Variants in ACAD9 observed in about 807,000 individuals in gnomAD.
ACAD9 encodes complex I assembly factor ACAD9, mitochondrial.
A neutral mutation model predicts 70.2 loss-of-function variants in ACAD9; 53 were observed. The observed-to-expected ratio is 0.75, with a 90% confidence interval of 0.61 to 0.95. The LOEUF (loss-of-function observed/expected upper bound fraction) is 0.95, where lower values mean the gene tolerates loss of function less well. Among genes scored for constraint, ACAD9 ranks in the 40% least tolerant of loss-of-function variants. The probability of loss-of-function intolerance (pLI) is 0.00; values close to 1 mark genes in which losing one functional copy is unlikely to be tolerated. For missense variants in ACAD9, 777 were observed against 802.8 expected (o/e 0.97, Z 0.39); for synonymous variants, 313 against 312.1 (o/e 1.00, Z -0.03).
intron 2 of ACAD9, among the ~76,000 whole-genome samples, chr3:128,889,437 C>T (rs895693081): frequency 1.3e-5 from 2 of 152,146 alleles, no homozygotes; most frequent in Middle Eastern, 3.2e-3. Context: ...AATCACCTGA[C>T]GCATGACTGT....
intron 4 of ACAD9, 108 bp downstream of exon 4, chr3:128,895,524 C>A: frequency 2.0e-5 from 20 of 1,006,064 alleles, no homozygotes; most frequent in Non-Finnish European, 2.9e-5. Context: ...TGATATCTGA[C>A]CTTCAGCCCT....
At chr3:128,886,860 C>T (rs771286376) in intron 2 of ACAD9, among the ~76,000 whole-genome samples, 4 of 150,022 alleles carry the variant, frequency 2.7e-5, no homozygotes, top group Non-Finnish European at 5.9e-5. Flanking sequence ...CACGTAACCT[C>T]TGGAAAAGTC....
At chr3:128,888,591 A>G (rs1935321083) in intron 2 of ACAD9, among the ~76,000 whole-genome samples, 1 of 152,044 alleles carries the variant, frequency 6.6e-6, no homozygotes, top group Non-Finnish European at 1.5e-5. Context: ...AAAAAAATAA[A>G]AACTAGTTTT....
chr3:128,893,816 G>T (rs1680780), intron 3 of ACAD9, among the ~76,000 whole-genome samples, 160 bp downstream of exon 3: 1 of 151,970 alleles, frequency 6.6e-6, no homozygotes, highest in Non-Finnish European at 1.5e-5. Context: ...AAGTGTTCTC[G>T]GGTCCTGTGC....
In ACAD9 at chr3:128,895,373, CCATCACTGTGA is replaced by C; in HGVS notation, c.412_422del (p.Ile138ProfsTer18). ...GGGGAGATCATCAGCATGGATGGGT[CCATCACTGTGA>C]CCCTGGCAGCGCACCAGGCTATTGG... On this transcript the variant is annotated frameshift_variant, in exon 4 of 18. Transcript: ENST00000308982. LOFTEE classifies it high-confidence loss of function. 6.2e-7 allele frequency: 1 copy of C among 1,612,744 alleles called. No homozygotes were observed. Among genetic ancestry groups the C allele is most frequent in the South Asian group, 1.1e-5 (1 of 90,664 alleles).
At chr3:128,903,791 C>T (rs1450310036) in intron 9 of ACAD9, among the ~76,000 whole-genome samples, 2 of 152,162 alleles carry the variant, frequency 1.3e-5, no homozygotes, top group African/African-American at 4.8e-5. Flanking sequence ...GTGTCGCACT[C>T]GGCCTGAGGC....
intron 2 of ACAD9, among the ~76,000 whole-genome samples, chr3:128,886,042 T>C (rs1329130179): frequency 6.7e-6 from 1 of 150,062 alleles, no homozygotes; most frequent in Non-Finnish European, 1.5e-5. Flanking sequence ...ATATACTGTG[T>C]TCATTTGTTT....
intron 4 of ACAD9, among the ~76,000 whole-genome samples, chr3:128,895,926 C>T (rs980392919): frequency 3.9e-5 from 6 of 152,354 alleles, no homozygotes; most frequent in African/African-American, 1.2e-4. Flanking sequence ...CCCCAGAGAG[C>T]GCACACATTC....
chr3:128,899,391 A>G lies in ACAD9; in HGVS notation c.738A>G (p.Ile246Met). The part of the protein sequence containing the change: ...GSVKDKITAF[I>M]VERDFGGVTN... ...TGAAAGACAAAATCACAGCATTCAT[A>G]GTAGAAAGAGACTTTGGTGGAGTCA... Residue 246 changes from isoleucine (I) to methionine (M), a missense_variant, in exon 7 of 18, where the codon ATA becomes ATG. By Grantham distance (10) the Ile-to-Met change is conservative (BLOSUM62 1). Transcript: ENST00000308982. The G allele has an allele frequency of 6.2e-7, 1 of 1,614,276 alleles. No homozygotes were observed. The highest frequency in any genetic ancestry group is 8.5e-7 in the Non-Finnish European group (1 of 1,180,050).
Position 128,912,404 on chromosome 3 carries a change from A to T in ACAD9, c.1766-103A>T, listed in dbSNP as rs936749635. The T allele has an allele frequency of 9.0e-6, 9 of 995,982 alleles. No homozygotes were observed. In the South Asian group the frequency reaches 1.2e-4, roughly 13 times the overall value. 61.7% of individuals were successfully genotyped at this position (995,982 alleles called of 1,614,324 possible). A position where few individuals can be genotyped will look rare whatever the true frequency, so the allele number is the denominator to read the frequency against. ...AGGGGTTCACCCTTAGGGCTGCTTC[A>T]TGGTGGGTGGGCTGACTTTGTGGAA... On this transcript the variant is annotated intron_variant, in intron 17 of 17. Coordinates refer to ENST00000308982, the MANE Select transcript of ACAD9 (RefSeq NM_014049.5).
At chr3:128,912,101 C>CT (rs1936388534) in intron 17 of ACAD9, among the ~76,000 whole-genome samples, 1 of 152,210 alleles carries the variant, frequency 6.6e-6, no homozygotes, top group South Asian at 2.1e-4. Context: ...CACTGTGGCA[C>CT]TTGCTGAGAG....
intron 2 of ACAD9, among the ~76,000 whole-genome samples, chr3:128,891,056 C>T (rs1211932205): frequency 3.3e-5 from 5 of 152,008 alleles, no homozygotes; most frequent in African/African-American, 1.2e-4. Flanking sequence ...ATTGGCCAGG[C>T]TGGTCTCGAA....
intron 1 of ACAD9, among the ~76,000 whole-genome samples, chr3:128,883,113 G>A (rs1935141595): frequency 6.8e-6 from 1 of 146,338 alleles, no homozygotes; most frequent in Admixed American, 6.9e-5. Flanking sequence ...CCTTGAGACA[G>A]TGTCTTACTC....
At chr3:128,883,621 G>T (rs569826367) in intron 1 of ACAD9, among the ~76,000 whole-genome samples, 3 of 152,050 alleles carry the variant, frequency 2.0e-5, no homozygotes, top group African/African-American at 7.2e-5. Context: ...CTCCCAAAGT[G>T]CTGGGATTAC....
At position 128,888,106 on chromosome 3, in the gene ACAD9, ACCTAAGACTTTTTTCTGAAT is replaced by A. The variant is rs369059222; in HGVS notation, c.244+3364_244+3383del. Among the ~76,000 whole-genome samples, 714 of 152,314 alleles carry A rather than the reference ACCTAAGACTTTTTTCTGAAT, an allele frequency of 4.7e-3. 3 individuals carry two copies. Among genetic ancestry groups the A allele is most frequent in the African/African-American group, 0.016 (670 of 41,568 alleles). The stretch of plus-strand genomic sequence containing the variant: ...ACTGCTTTGAGTGACTTATATGCAA[ACCTAAGACTTTTTTCTGAAT>A]CCTTGATCAAGATTTATTCATATAA... On this transcript the variant is annotated intron_variant, in intron 2 of 17. Transcript: ENST00000308982.
intron 3 of ACAD9, 61 bp from the exon 4 acceptor site, chr3:128,895,249 G>T: frequency 1.5e-6 from 2 of 1,306,180 alleles, no homozygotes; most frequent in Non-Finnish European, 2.2e-6. Flanking sequence ...AAAAGCCAAT[G>T]AAGCCTTAAT....
intron 2 of ACAD9, among the ~76,000 whole-genome samples, chr3:128,885,313 ATAG>A (rs879650083): frequency 5.3e-5 from 8 of 152,302 alleles, no homozygotes; most frequent in Non-Finnish European, 1.2e-4. Context: ...GTCTTCCCTA[ATAG>A]TAGGATCCTG....
intron 15 of ACAD9, 64 bp downstream of exon 15, chr3:128,909,485 CT>C: frequency 1.3e-6 from 2 of 1,511,360 alleles, no homozygotes; most frequent in Non-Finnish European, 1.8e-6. Context: ...ATTCATGAGA[CT>C]ACTTTTTGTC....
chr3:128,911,284 C>T (rs765553179), intron 17 of ACAD9, among the ~76,000 whole-genome samples: 4 of 152,160 alleles, frequency 2.6e-5, no homozygotes, highest in Non-Finnish European at 5.9e-5. Context: ...TCTCCAACTC[C>T]TGACCTCAGG....
Sources: allele counts gnomAD v4.1 joint callset (sites outside exome capture counted in the v4.1 genomes callset), GRCh38; gene constraint gnomAD v4.1.1; transcripts MANE v1.5; gene names NCBI Gene and HGNC (gene_info 2026-07-23, HGNC 2026-07-21).